Variants in PPL observed in about 807,000 individuals in gnomAD.
PPL encodes the protein periplakin, also known as 190 kDa paraneoplastic pemphigus antigen.
A neutral mutation model predicts 194.4 loss-of-function variants in PPL; 198 were observed. The ratio of observed to expected loss-of-function variants is 1.02; its 90% CI spans 0.91 to 1.15. The LOEUF (loss-of-function observed/expected upper bound fraction) is 1.15, where lower values mean the gene tolerates loss of function less well. PPL is among the 50% of genes most tolerant of loss of function. PPL has a pLI of 0.00. For synonymous variants in PPL, 1,220 were observed against 972.4 expected (o/e 1.25, Z -4.74); for missense variants, 2,885 against 2,294.8 (o/e 1.26, Z -5.25).
Position 4,885,417 on chromosome 16 carries a change from G to A in PPL, c.3238C>T (p.Gln1080Ter). The A allele has an allele frequency of 6.2e-7, 1 of 1,612,728 alleles. No individual in the cohort carries two copies. The highest frequency in any genetic ancestry group is 8.5e-7 in the Non-Finnish European group (1 of 1,179,998). Reference protein sequence around the residue: ...YQQLQEDHQRQDQLREKQEEE... With the variant: ...YQQLQEDHQR ...TCCTGCTTCTCCCTGAGCTGGTCCTGGCGCTGGTGGTCCTCCTGCAGCTGC... is the reference window on the plus strand; with the variant it reads ...TCCTGCTTCTCCCTGAGCTGGTCCTAGCGCTGGTGGTCCTCCTGCAGCTGC... Residue 1080 changes from glutamine to a stop codon, truncating the protein, a stop_gained, in exon 22 of 22, where the codon CAG becomes TAG. Transcript: ENST00000345988. LOFTEE classifies it high-confidence loss of function. This position sits in a 1 kb window ranked among gnomAD's most constrained non-coding sequence, Gnocchi z 6.3.
chr16:4,884,087 A>G lies in PPL; in HGVS notation c.4568T>C (p.Leu1523Pro). Residue 1523 changes from leucine to proline, a missense_variant, in exon 22 of 22, where the codon CTG (leucine) becomes CCG (proline). Physicochemically the swap from Leu to Pro is moderately conservative, Grantham distance 98 (BLOSUM62 -3). Coordinates refer to ENST00000345988, the MANE Select transcript of PPL (RefSeq NM_002705.5). The surrounding 1 kb of genome is among the most constrained non-coding windows in gnomAD (Gnocchi z 5.7). The stretch of plus-strand genomic sequence containing the variant: ...GCGCTTGCTGCGGCTCTCCTCCTCC[A>G]GGCTGCTCTTGAGCCTCTGGATCTC... ...EQEIQRLKSS[L>P]EEESRSKREL... The G allele has an allele frequency of 6.2e-7, 1 of 1,612,122 alleles. No individual in the cohort carries two copies. Among genetic ancestry groups the G allele is most frequent in the South Asian group, 1.1e-5 (1 of 90,974 alleles).
rs199792362 is a variant in PPL, at chr16:4,909,424, CTTTTTTTTT to C, written c.162+1417_162+1425del. Among the ~76,000 whole-genome samples the C allele has an allele frequency of 5.9e-5, 7 of 118,230 alleles. No homozygotes were observed. The South Asian group carries it at 7.5e-4, about 13-fold the overall frequency. 77.6% of individuals were successfully genotyped at this position (118,230 alleles called of 152,430 possible). ...CAGCCTCCCACTCCTCTGGTCCCAC[CTTTTTTTTT>C]TTTTTTTTTTTTTGAGACAGTCTTA... On this transcript the variant is annotated intron_variant, in intron 2 of 21. Transcript: ENST00000345988.
At position 4,885,694 on chromosome 16, in the gene PPL, G is replaced by A. The variant is rs9934981; in HGVS notation, c.2961C>T (p.Asp987=). 1.1e-3 allele frequency: 1,749 copies of A among 1,613,344 alleles called. 16 individuals are homozygous for A. In the African/African-American group the frequency reaches 0.021, roughly 19 times the overall value. Residue 987 remains aspartate, a synonymous_variant, in exon 22 of 22, where the codon GAC becomes GAT. Coordinates refer to ENST00000345988, the MANE Select transcript of PPL (RefSeq NM_002705.5). This position sits in a 1 kb window ranked among gnomAD's most constrained non-coding sequence, Gnocchi z 6.3. ...CCTTGACCACGTACTCCTGCCCCCC[G>A]TCTCTGGTCTCCTGCTCCAGGGCAC... ...QLRALEQETR[D]GGQEYVVKEV... is the part of the protein sequence containing the mutation.
intron 2 of PPL, among the ~76,000 whole-genome samples, chr16:4,905,247 ATACCACT>A (rs1568024553): frequency 6.6e-6 from 1 of 152,222 alleles, no homozygotes; most frequent in Non-Finnish European, 1.5e-5. Flanking sequence ...GAACTGAGAA[ATACCACT>A]TAGCAACAAA....
At chr16:4,931,420 C>A (rs547606674) in intron 1 of PPL, among the ~76,000 whole-genome samples, 1 of 152,116 alleles carries the variant, frequency 6.6e-6, no homozygotes, top group Admixed American at 6.6e-5. Context: ...AAGGGCAGGG[C>A]TGGGACCTGA....
intron 1 of PPL, among the ~76,000 whole-genome samples, chr16:4,912,839 C>T (rs923641144): frequency 2.0e-5 from 3 of 152,210 alleles, no homozygotes; most frequent in African/African-American, 7.2e-5. Flanking sequence ...TGTGGTGGCT[C>T]ATACCTGTAA....
At position 4,885,108 on chromosome 16, in the gene PPL, T is replaced by TG; in HGVS notation, c.3546dup (p.Lys1183GlnfsTer5). 1 of 1,613,912 alleles carries TG rather than the reference T, an allele frequency of 6.2e-7. No homozygotes were observed. The highest frequency in any genetic ancestry group is 8.5e-7 in the Non-Finnish European group (1 of 1,180,008). On this transcript the variant is annotated frameshift_variant, in exon 22 of 22. Transcript: ENST00000345988. LOFTEE classifies it high-confidence loss of function. This position sits in a 1 kb window ranked among gnomAD's most constrained non-coding sequence, Gnocchi z 6.3. ...AGGTTCGCCACTTCACTTTCCGCCT[T>TG]GGGGTCTGGCCGCACGATCTCCCGC...
chr16:4,889,760 G>C (rs1368799157), intron 18 of PPL, among the ~76,000 whole-genome samples: 1 of 152,214 alleles, frequency 6.6e-6, no homozygotes, highest in African/African-American at 2.4e-5. Context: ...GTGGGGATGT[G>C]GCTGATGGGG....
intron 3 of PPL, 27 bp downstream of exon 3, chr16:4,903,859 C>T (rs2088626440): frequency 3.1e-6 from 5 of 1,612,174 alleles, no homozygotes; most frequent in Non-Finnish European, 4.2e-6. Flanking sequence ...AATGGCTCCC[C>T]TGGGGTAAGA....
At chr16:4,908,178 A>AG (rs1404176251) in intron 2 of PPL, among the ~76,000 whole-genome samples, 4 of 150,388 alleles carry the variant, frequency 2.7e-5, no homozygotes, top group Non-Finnish European at 4.4e-5. Flanking sequence ...AAAAAAAAAA[A>AG]AAAGAAAGAA....
intron 20 of PPL, 58 bp from the exon 21 acceptor site, chr16:4,887,285 C>CAGAGAGCTAGCA (rs1174070608): frequency 7.0e-6 from 9 of 1,293,674 alleles, no homozygotes; most frequent in Middle Eastern, 1.9e-4. Context: ...GGGTAAGCAA[C>CAGAGAGCTAGCA]AGAGAGCTAG....
intron 1 of PPL, among the ~76,000 whole-genome samples, chr16:4,916,197 A>AT (rs992237667): frequency 6.6e-6 from 1 of 151,866 alleles, no homozygotes; most frequent in African/African-American, 2.4e-5. Flanking sequence ...ACCCCTACGT[A>AT]TTTTTTTTAT....
chr16:4,887,220 G>A lies in PPL; in HGVS notation c.2522C>T (p.Ala841Val), dbSNP rs139110413. The A allele has an allele frequency of 4.8e-5, 77 of 1,613,284 alleles. No individual in the cohort carries two copies. In the African/African-American group the frequency reaches 7.5e-4, roughly 16 times the overall value. ...PATKVKEEEA[A>V]LAAKFTEVYA... Reference sequence around the variant, plus strand: ...AACTTCAGTGAACTTGGCGGCAAGTGCTGCTTCCTGCAGAGAAGAGGATTA... The same window carrying A: ...AACTTCAGTGAACTTGGCGGCAAGTACTGCTTCCTGCAGAGAAGAGGATTA... The change falls in exon 21 of 22, where the codon GCA becomes GTA. Residue 841 changes from alanine (A) to valine (V), a missense_variant. Coordinates refer to ENST00000345988, the MANE Select transcript of PPL (RefSeq NM_002705.5).
At chr16:4,910,798 C>A (rs2088802991) in intron 2 of PPL, 52 bp downstream of exon 2, 1 of 1,462,974 alleles carries the variant, frequency 6.8e-7, no homozygotes, top group Non-Finnish European at 9.6e-7. Context: ...TGGTCCTGAA[C>A]AGGGCTGGCA....
chr16:4,884,951 A>T lies in PPL; in HGVS notation c.3704T>A (p.Val1235Asp), dbSNP rs781588541. The T allele has an allele frequency of 6.2e-7, 1 of 1,613,868 alleles. No individual in the cohort carries two copies. The highest frequency in any genetic ancestry group is 2.2e-5 in the East Asian group (1 of 44,848). ...QVEVKEVTKEVIKYKTDPEME... is the reference protein window; with the variant it reads ...QVEVKEVTKEDIKYKTDPEME... ...CTCAGGGTCAGTCTTGTACTTAATG[A>T]CTTCCTTAGTCACCTCTTTGACTTC... Residue 1235 changes from valine (V) to aspartate (D), a missense_variant, in exon 22 of 22, where the codon GTC becomes GAC. Transcript: ENST00000345988. The surrounding 1 kb of genome is among the most constrained non-coding windows in gnomAD (Gnocchi z 5.7).
At chr16:4,893,989 G>T (rs183556026) in intron 12 of PPL, among the ~76,000 whole-genome samples, 1 of 152,252 alleles carries the variant, frequency 6.6e-6, no homozygotes, top group African/African-American at 2.4e-5. Context: ...GAGTTCCTGG[G>T]CACCTACTTT....
chr16:4,884,401 G>T lies in PPL; in HGVS notation c.4254C>A (p.Arg1418=), dbSNP rs200865815. 3 of 1,608,408 alleles carry T rather than the reference G, an allele frequency of 1.9e-6. No homozygotes were observed. The highest frequency in any genetic ancestry group is 1.7e-6 in the Non-Finnish European group (2 of 1,178,950). ...GCCGCTGCTGCAACCGCTGTACCTCGCGCTCGGCCTCCCTGCGGGCCTGCC... is the reference window on the plus strand; with the variant it reads ...GCCGCTGCTGCAACCGCTGTACCTCTCGCTCGGCCTCCCTGCGGGCCTGCC... ...RERQARREAE[R]EVQRLQQRLA... The change falls in exon 22 of 22, where the codon CGC becomes CGA. Residue 1418 remains arginine (R), a synonymous_variant. Coordinates refer to ENST00000345988, the MANE Select transcript of PPL (RefSeq NM_002705.5). The surrounding 1 kb of genome is among the most constrained non-coding windows in gnomAD (Gnocchi z 5.7).
intron 1 of PPL, among the ~76,000 whole-genome samples, chr16:4,917,190 A>G (rs550285637): frequency 6.0e-4 from 91 of 152,332 alleles, no homozygotes; most frequent in Non-Finnish European, 1.1e-3. Context: ...GCCTGCACAG[A>G]AACTTGTACA....
chr16:4,936,647 C>T (rs1369373879), intron 1 of PPL, among the ~76,000 whole-genome samples: 2 of 152,162 alleles, frequency 1.3e-5, no homozygotes, highest in African/African-American at 4.8e-5. Flanking sequence ...CTGTGCGACC[C>T]TCTGCGCAAG....
Sources: gnomAD v4.1 joint callset for allele counts (sites outside exome capture counted in the v4.1 genomes callset) on GRCh38, gnomAD v4.1.1 for gene constraint, Gnocchi (gnomAD v3.1) non-coding constraint, MANE v1.5 for transcripts, NCBI Gene and HGNC (gene_info 2026-07-23, HGNC 2026-07-21) for gene names.